SLC24A4: variants seen among roughly 807,000 people sequenced by gnomAD.
The protein encoded by SLC24A4 is solute carrier family 24 member 4, also known as sodium/potassium/calcium exchanger 4.
In SLC24A4, 53 loss-of-function variants were observed where a neutral mutation model predicts 79.0. That is an observed-to-expected ratio of 0.67 (90% CI 0.54 to 0.84). SLC24A4 has a LOEUF of 0.84. Among genes scored for constraint, SLC24A4 ranks in the 40% least tolerant of loss-of-function variants. The probability of loss-of-function intolerance (pLI) is 0.00; values close to 1 mark genes in which losing one functional copy is unlikely to be tolerated. For synonymous variants in SLC24A4, 323 were observed against 323.8 expected, an observed-to-expected ratio of 1.00 and a Z score of 0.03; for missense variants, 731 against 822.0, an observed-to-expected ratio of 0.89 and a Z score of 1.35.
intron 2 of SLC24A4, among the ~76,000 whole-genome samples, chr14:92,426,962 A>G (rs901367494): frequency 2.0e-5 from 3 of 152,268 alleles, no homozygotes; most frequent in African/African-American, 7.2e-5. Context: ...GAAAGCAAAG[A>G]GAGAGTGGCA....
At chr14:92,453,490 G>A (rs10145865) in intron 10 of SLC24A4, 14,066 of 158,562 alleles carry the variant, frequency 0.089, 669 homozygotes, top group East Asian at 0.14. Flanking sequence ...GCCTCTGTAC[G>A]TGGGGGAAAG....
chr14:92,385,812 C>T (rs919379950), intron 2 of SLC24A4, among the ~76,000 whole-genome samples: 3 of 152,202 alleles, frequency 2.0e-5, no homozygotes, highest in Non-Finnish European at 2.9e-5. Flanking sequence ...GCTCCTTCCA[C>T]GATCCTTCCT....
chr14:92,360,354 G>A (rs1887437782), intron 2 of SLC24A4, among the ~76,000 whole-genome samples: 1 of 152,188 alleles, frequency 6.6e-6, no homozygotes, highest in Non-Finnish European at 1.5e-5. Flanking sequence ...TCCCTCCTCA[G>A]CCTCCCAAAG....
chr14:92,401,970 C>T (rs538483584), intron 2 of SLC24A4, among the ~76,000 whole-genome samples: 53 of 152,222 alleles, frequency 3.5e-4, no homozygotes, highest in African/African-American at 1.3e-3. Context: ...AAAAGAAATA[C>T]GAGACAAACA....
chr14:92,428,402 C>T (rs956768986), intron 2 of SLC24A4, among the ~76,000 whole-genome samples: 9 of 152,272 alleles, frequency 5.9e-5, no homozygotes, highest in Admixed American at 2.0e-4. Context: ...GCACAGCCTG[C>T]GCACCCATAT....
At chr14:92,364,410 A>G (rs2141673013) in intron 2 of SLC24A4, among the ~76,000 whole-genome samples, 1 of 152,278 alleles carries the variant, frequency 6.6e-6, no homozygotes, top group East Asian at 1.9e-4. Context: ...GGGAGGTGGG[A>G]TGACTGTCCT....
chr14:92,383,681 T>G (rs184802888), intron 2 of SLC24A4, among the ~76,000 whole-genome samples: 277 of 152,218 alleles, frequency 1.8e-3, no homozygotes, highest in Non-Finnish European at 3.0e-3. Context: ...CGAGTGGCCC[T>G]CCCTACCCCA....
intron 2 of SLC24A4, among the ~76,000 whole-genome samples, chr14:92,424,330 C>T (rs961938887): frequency 6.6e-6 from 1 of 152,174 alleles, no homozygotes; most frequent in African/African-American, 2.4e-5. Context: ...GGACTGGAGT[C>T]TTAGTCCTTT....
chr14:92,381,008 G>A (rs1310143345), intron 2 of SLC24A4, among the ~76,000 whole-genome samples: 1 of 152,150 alleles, frequency 6.6e-6, no homozygotes, highest in Non-Finnish European at 1.5e-5. Flanking sequence ...TGGGATAGCA[G>A]AGATGCCCAC....
intron 2 of SLC24A4, among the ~76,000 whole-genome samples, chr14:92,433,099 A>G (rs1310087240): frequency 6.6e-6 from 1 of 152,172 alleles, no homozygotes; most frequent in Non-Finnish European, 1.5e-5. Context: ...TGACCAGGGA[A>G]GTGTGGATCC....
chr14:92,378,323 G>A (rs753876730), intron 2 of SLC24A4, among the ~76,000 whole-genome samples: 33 of 152,216 alleles, frequency 2.2e-4, no homozygotes, highest in Non-Finnish European at 4.0e-4. Context: ...GCTGGGTTGC[G>A]GACACATGCC....
At chr14:92,458,811 A>G (rs1893634254) in intron 12 of SLC24A4, among the ~76,000 whole-genome samples, 1 of 152,064 alleles carries the variant, frequency 6.6e-6, no homozygotes, top group African/African-American at 2.4e-5. Flanking sequence ...AGCTGCAGTC[A>G]CCAAAGGAAT....
chr14:92,446,895 T>C (rs528889434), intron 8 of SLC24A4, among the ~76,000 whole-genome samples: 58 of 152,272 alleles, frequency 3.8e-4, no homozygotes, highest in Non-Finnish European at 7.5e-4. Context: ...GAGGCTCCTG[T>C]GCCACCTGCC....
intron 12 of SLC24A4, among the ~76,000 whole-genome samples, 173 bp from the exon 13 acceptor site, chr14:92,482,507 C>CAA (rs1895115655): frequency 6.6e-6 from 1 of 152,268 alleles, no homozygotes; most frequent in Non-Finnish European, 1.5e-5. Context: ...TGTCTTGCCA[C>CAA]TTCCAGGGTG....
chr14:92,442,361 A>C (rs1360819359), intron 5 of SLC24A4, among the ~76,000 whole-genome samples, 188 bp downstream of exon 5: 2 of 152,258 alleles, frequency 1.3e-5, no homozygotes, highest in East Asian at 3.9e-4. Context: ...GGGTGATAAA[A>C]ATGTTCTTTT....
chr14:92,399,123 C>T (rs1889945890), intron 2 of SLC24A4, among the ~76,000 whole-genome samples: 1 of 152,164 alleles, frequency 6.6e-6, no homozygotes, highest in South Asian at 2.1e-4. Context: ...TTATTCAGGC[C>T]TCAATTGATC....
chr14:92,474,843 G>GTGTGTATATATATATATATATATA (rs779007741), intron 12 of SLC24A4, among the ~76,000 whole-genome samples: 3 of 23,882 alleles, frequency 1.3e-4, no homozygotes, highest in Non-Finnish European at 2.4e-4. Context: ...GTGTGTGTGT[G>GTGTGTATATATATATATATATATA]TATATATATA....
intron 2 of SLC24A4, among the ~76,000 whole-genome samples, chr14:92,348,870 C>A (rs910190489): frequency 6.6e-6 from 1 of 152,126 alleles, no homozygotes; most frequent in African/African-American, 2.4e-5. Flanking sequence ...CATGTTGGAG[C>A]ATTGATTACT....
At chr14:92,364,610 C>T (rs1887718949) in intron 2 of SLC24A4, among the ~76,000 whole-genome samples, 1 of 152,194 alleles carries the variant, frequency 6.6e-6, no homozygotes, top group Non-Finnish European at 1.5e-5. Flanking sequence ...TTTCCTTCAA[C>T]CTGAGAGCCC....
Sources: gnomAD v4.1 joint callset for allele counts (sites outside exome capture counted in the v4.1 genomes callset) on GRCh38, gnomAD v4.1.1 for gene constraint, MANE v1.5 for transcripts, NCBI Gene and HGNC (gene_info 2026-07-23, HGNC 2026-07-21) for gene names.